CCSER1: variants seen among roughly 807,000 people sequenced by gnomAD.
CCSER1 encodes coiled-coil serine rich protein 1.
A neutral mutation model predicts 82.0 loss-of-function variants in CCSER1; 41 were observed. The ratio of observed to expected loss-of-function variants is 0.50; its 90% CI spans 0.39 to 0.65. CCSER1 has a LOEUF of 0.65. Among genes scored for constraint, CCSER1 ranks in the 30% least tolerant of loss-of-function variants. The pLI is 0.00. For missense variants in CCSER1, 1,119 were observed against 1,064.2 expected, an observed-to-expected ratio of 1.05 and a Z score of -0.72; for synonymous variants, 414 against 383.9, an observed-to-expected ratio of 1.08 and a Z score of -0.92.
chr4:90,296,744 T>C (rs1238991622), intron 1 of CCSER1, among the ~76,000 whole-genome samples: 1 of 152,188 alleles, frequency 6.6e-6, no homozygotes, highest in African/African-American at 2.4e-5. Flanking sequence ...ATTTATTAAA[T>C]AGGGAATCAT....
chr4:90,878,562 A>C (rs1482637280), intron 8 of CCSER1, among the ~76,000 whole-genome samples: 1 of 152,148 alleles, frequency 6.6e-6, no homozygotes, highest in African/African-American at 2.4e-5. Flanking sequence ...GCATGGTCTA[A>C]AATATCAAAA....
At chr4:91,308,974 T>C (rs1745259084) in intron 10 of CCSER1, among the ~76,000 whole-genome samples, 1 of 152,020 alleles carries the variant, frequency 6.6e-6, no homozygotes, top group Non-Finnish European at 1.5e-5. Flanking sequence ...CTTTTTAGGC[T>C]ACTGGCCTAA....
intron 1 of CCSER1, among the ~76,000 whole-genome samples, chr4:90,251,315 A>G (rs747792536): frequency 1.3e-5 from 2 of 151,868 alleles, no homozygotes; most frequent in Non-Finnish European, 1.5e-5. Context: ...TTCTAATTTT[A>G]GATGTGAAAG....
chr4:90,944,777 A>G (rs1030574515), intron 9 of CCSER1, among the ~76,000 whole-genome samples: 37 of 152,186 alleles, frequency 2.4e-4, no homozygotes, highest in African/African-American at 8.9e-4. Flanking sequence ...ATTGACCTGC[A>G]GGACTAATTT....
At chr4:91,222,767 A>G (rs1316089579) in intron 10 of CCSER1, among the ~76,000 whole-genome samples, 1 of 152,210 alleles carries the variant, frequency 6.6e-6, no homozygotes. Context: ...GATAGCCATT[A>G]GACATCAGTG....
At position 90,957,511 on chromosome 4, in the gene CCSER1, TATAAC is replaced by T. The variant is rs1210300563; in HGVS notation, c.2172+34069_2172+34073del. Among the ~76,000 whole-genome samples, 65 of 116,656 alleles carry T rather than the reference TATAAC, an allele frequency of 5.6e-4. 1 individual carries two copies. Among genetic ancestry groups the T allele is most frequent in the Admixed American group, 1.6e-3 (16 of 9,798 alleles). 76.5% of individuals were successfully genotyped at this position (116,656 alleles called of 152,430 possible). A position where few individuals can be genotyped will look rare whatever the true frequency, so the allele number is the denominator to read the frequency against. On this transcript the variant is annotated intron_variant, in intron 9 of 10. Coordinates refer to ENST00000509176, the MANE Select transcript of CCSER1 (RefSeq NM_001145065.2). ...AATATTATTATATAATATTATATAA[TATAAC>T]ATAATATCATATATTATATATATTA...
chr4:91,342,254 GTTAA>G (rs1266941778), intron 10 of CCSER1, among the ~76,000 whole-genome samples: 13 of 152,302 alleles, frequency 8.5e-5, no homozygotes, highest in Middle Eastern at 3.4e-3. Flanking sequence ...GTGTCCCACA[GTTAA>G]ATGAGTAATA....
chr4:90,970,447 T>C (rs942798369), intron 9 of CCSER1, among the ~76,000 whole-genome samples: 2 of 151,746 alleles, frequency 1.3e-5, no homozygotes, highest in African/African-American at 4.8e-5. Context: ...AGCACCCAAA[T>C]ATATAAAGCA....
At chr4:91,123,258 GATTC>G (rs1471250862) in intron 10 of CCSER1, among the ~76,000 whole-genome samples, 1 of 151,584 alleles carries the variant, frequency 6.6e-6, no homozygotes, top group Non-Finnish European at 1.5e-5. Context: ...CGATTAGTCA[GATTC>G]ATTATAGCAC....
intron 9 of CCSER1, among the ~76,000 whole-genome samples, chr4:91,021,127 A>G (rs1432824986): frequency 1.3e-5 from 2 of 152,180 alleles, no homozygotes; most frequent in Admixed American, 6.5e-5. Context: ...TTGGATTTTA[A>G]TATCATAAAG....
chr4:90,704,468 C>T lies in CCSER1; in HGVS notation c.1933-19446C>T, dbSNP rs144277682. On this transcript the variant is annotated intron_variant, in intron 6 of 10. Transcript: ENST00000509176. ...TTATGTGGCTTGAAGTTGCTCTTCT[C>T]GAGGAGTATCTTTGTGGCGTTCTCT... Among the ~76,000 whole-genome samples, 711 of 152,188 alleles carry T rather than the reference C, an allele frequency of 4.7e-3. 6 individuals are homozygous for T. The highest frequency in any genetic ancestry group is 0.017 in the African/African-American group (691 of 41,518).
At chr4:90,835,188 G>T (rs972438066) in intron 8 of CCSER1, among the ~76,000 whole-genome samples, 3 of 152,000 alleles carry the variant, frequency 2.0e-5, no homozygotes, top group Non-Finnish European at 2.9e-5. Context: ...AAAATTAGCC[G>T]GGCGTGGTGG....
chr4:91,418,655 G>A (rs2149380798), intron 10 of CCSER1, among the ~76,000 whole-genome samples: 1 of 151,940 alleles, frequency 6.6e-6, no homozygotes, highest in Non-Finnish European at 1.5e-5. Flanking sequence ...CTTTAAAGAA[G>A]AAATACAACC....
intron 10 of CCSER1, among the ~76,000 whole-genome samples, chr4:91,315,395 T>G (rs4408923): frequency 0.77 from 117,082 of 151,804 alleles, 45,259 homozygotes; most frequent in Middle Eastern, 0.85. Context: ...CAGTGCTGTA[T>G]TTTTCATTAT....
intron 10 of CCSER1, among the ~76,000 whole-genome samples, chr4:91,264,599 T>G (rs1741431566): frequency 6.6e-6 from 1 of 152,024 alleles, no homozygotes; most frequent in Admixed American, 6.5e-5. Context: ...GAGACCTATA[T>G]TTTATAAAGC....
chr4:91,261,657 A>G (rs1741141315), intron 10 of CCSER1, among the ~76,000 whole-genome samples: 1 of 152,172 alleles, frequency 6.6e-6, no homozygotes, highest in Admixed American at 6.5e-5. Flanking sequence ...TAAGACTTTT[A>G]GAAGCTCTGA....
chr4:90,239,595 G>T (rs1177683143), intron 1 of CCSER1, among the ~76,000 whole-genome samples: 7 of 152,106 alleles, frequency 4.6e-5, no homozygotes, highest in African/African-American at 1.7e-4. Context: ...TCCAACTCCT[G>T]GGCACAAACA....
chr4:91,350,102 AG>A (rs1185545559), intron 10 of CCSER1, among the ~76,000 whole-genome samples: 2 of 152,058 alleles, frequency 1.3e-5, no homozygotes, highest in African/African-American at 2.4e-5. Flanking sequence ...GGAAACTGGA[AG>A]TCATGAATTA....
intron 10 of CCSER1, among the ~76,000 whole-genome samples, chr4:91,575,387 T>C (rs1319313586): frequency 2.0e-5 from 3 of 151,776 alleles, no homozygotes; most frequent in African/African-American, 7.3e-5. Flanking sequence ...CAAACTAAAA[T>C]ATCTGCACAA....
Sources: allele counts gnomAD v4.1 joint callset (sites outside exome capture counted in the v4.1 genomes callset), GRCh38; gene constraint gnomAD v4.1.1; transcripts MANE v1.5; gene names NCBI Gene and HGNC (gene_info 2026-07-23, HGNC 2026-07-21).